The following HERC2 variants were observed in gnomAD, a reference collection of about 807,000 sequenced individuals.
HERC2 encodes HECT and RLD domain containing E3 ubiquitin protein ligase 2.
Under a neutral mutation model 537.7 loss-of-function variants are expected in HERC2, and 102 were observed. That is an observed-to-expected ratio of 0.19 (90% CI 0.16 to 0.22). The LOEUF (loss-of-function observed/expected upper bound fraction) is 0.22. Among genes scored for constraint, HERC2 ranks in the 10% least tolerant of loss-of-function variants. The probability of loss-of-function intolerance (pLI) is 1.00; values close to 1 mark genes in which losing one functional copy is unlikely to be tolerated. For missense variants in HERC2, 4,236 were observed against 6,198.2 expected (o/e 0.68, Z 10.63); for synonymous variants, 2,224 against 2,466.2 (o/e 0.90, Z 2.91).
intron 4 of HERC2, among the ~76,000 whole-genome samples, chr15:28,282,029 G>A (rs2076032014): frequency 6.6e-6 from 1 of 152,152 alleles, no homozygotes; most frequent in Non-Finnish European, 1.5e-5. Flanking sequence ...CAGTCCATCA[G>A]TCATGTACAC....
At chr15:28,218,120 T>C (rs13380280) in intron 38 of HERC2, among the ~76,000 whole-genome samples, 12,928 of 148,082 alleles carry the variant, frequency 0.087, 2,081 homozygotes, top group African/African-American at 0.33. Flanking sequence ...ATGATGTCCT[T>C]ATGAAAAGGG....
intron 2 of HERC2, among the ~76,000 whole-genome samples, chr15:28,306,569 T>C (rs1444852580): frequency 6.6e-6 from 1 of 152,216 alleles, no homozygotes; most frequent in Non-Finnish European, 1.5e-5. Context: ...GGTATCAGGG[T>C]AATATTGGCC....
chr15:28,144,633 C>A (rs1891555050), intron 72 of HERC2, 40 bp downstream of exon 72: 2 of 1,613,588 alleles, frequency 1.2e-6, no homozygotes, highest in Middle Eastern at 1.7e-4. Context: ...CAATCCACAG[C>A]CAGTCATCTA....
intron 16 of HERC2, among the ~76,000 whole-genome samples, chr15:28,258,980 T>C (rs2075343556): frequency 6.6e-6 from 1 of 152,170 alleles, no homozygotes; most frequent in African/African-American, 2.4e-5. Context: ...ACAACGTAGA[T>C]GAAGTAAAGC....
intron 19 of HERC2, 35 bp from the exon 20 acceptor site, chr15:28,254,553 T>C: frequency 6.9e-7 from 1 of 1,457,088 alleles, no homozygotes; most frequent in Non-Finnish European, 9.4e-7. Context: ...TTACAAGTGA[T>C]CTCATTACCA....
chr15:28,147,626 C>T (rs1292306588), intron 70 of HERC2, among the ~76,000 whole-genome samples: 8 of 145,994 alleles, frequency 5.5e-5, no homozygotes, highest in African/African-American at 2.2e-4. Context: ...GACAAAGTGA[C>T]AAAGCTTTTC....
intron 12 of HERC2, among the ~76,000 whole-genome samples, chr15:28,267,849 G>T (rs2075610905): frequency 6.6e-6 from 1 of 152,216 alleles, no homozygotes; most frequent in South Asian, 2.1e-4. Flanking sequence ...CAGCCCACAA[G>T]AAATGGGCTT....
chr15:28,168,675 C>G lies in HERC2; in HGVS notation c.10230-85G>C, dbSNP rs544874097. The G allele has an allele frequency of 7.0e-5, 89 of 1,269,080 alleles. 1 individual carries two copies. In the South Asian group the frequency reaches 1.1e-3, roughly 16 times the overall value. 78.6% of individuals were successfully genotyped at this position (1,269,080 alleles called of 1,614,324 possible). On this transcript the variant is annotated intron_variant, in intron 66 of 92. Coordinates refer to ENST00000261609, the MANE Select transcript of HERC2 (RefSeq NM_004667.6). ...AGTGGAGAGGCAGGGCTAGCACGCA[C>G]TGAGGCGTTTCCTCATTTTTACTGA...
At chr15:28,189,525 T>C (rs987692021) in intron 55 of HERC2, among the ~76,000 whole-genome samples, 3 of 152,248 alleles carry the variant, frequency 2.0e-5, no homozygotes, top group African/African-American at 7.2e-5. Flanking sequence ...TTTTATAGTT[T>C]GCCAATTTCT....
At chr15:28,269,529 G>A in intron 10 of HERC2, 93 bp from the exon 11 acceptor site, 2 of 998,446 alleles carry the variant, frequency 2.0e-6, no homozygotes, top group South Asian at 1.7e-5. Context: ...TAAAAACAAA[G>A]CAAATAAAGA....
chr15:28,113,786 G>C lies in HERC2; in HGVS notation c.13914-108C>G. ...CTGTGGCCGCACACGTCCCAGCTGG[G>C]AGAACAGAGGGAGCAGCTCCAGATG... On this transcript the variant is annotated intron_variant, in intron 90 of 92. Transcript: ENST00000261609. The surrounding 1 kb of genome is among the most constrained non-coding windows in gnomAD (Gnocchi z 7.0). 1 of 841,510 alleles carries C rather than the reference G, an allele frequency of 1.2e-6. No homozygotes were observed. Among genetic ancestry groups the C allele is most frequent in the Non-Finnish European group, 2.0e-6 (1 of 510,342 alleles). 52.1% of individuals were successfully genotyped at this position (841,510 alleles called of 1,614,324 possible).
intron 86 of HERC2, among the ~76,000 whole-genome samples, chr15:28,118,667 C>T (rs1888543946): frequency 6.6e-6 from 1 of 152,184 alleles, no homozygotes; most frequent in South Asian, 2.1e-4. Flanking sequence ...TCTTGGGAGG[C>T]GTGTCCCTGA....
intron 5 of HERC2, among the ~76,000 whole-genome samples, chr15:28,275,541 T>G (rs1432048563): frequency 6.6e-6 from 1 of 152,226 alleles, no homozygotes; most frequent in East Asian, 1.9e-4. Flanking sequence ...TATTTAAGCT[T>G]TTCACTACTT....
chr15:28,170,775 A>C (rs900430022), intron 65 of HERC2, among the ~76,000 whole-genome samples: 26 of 152,142 alleles, frequency 1.7e-4, no homozygotes, highest in Non-Finnish European at 1.2e-4. Context: ...AGAAACATCT[A>C]GAATATATAA....
At chr15:28,314,965 T>C (rs1182617675) in intron 2 of HERC2, among the ~76,000 whole-genome samples, 3 of 152,094 alleles carry the variant, frequency 2.0e-5, no homozygotes, top group South Asian at 2.1e-4. Flanking sequence ...CGCAGGACAA[T>C]AGCCAAGGTG....
chr15:28,121,424 C>G lies in HERC2; in HGVS notation c.13194G>C (p.Ala4398=). The G allele has an allele frequency of 2.5e-6, 4 of 1,613,928 alleles. No individual in the cohort carries two copies. The highest frequency in any genetic ancestry group is 3.4e-6 in the Non-Finnish European group (4 of 1,179,848). ...TTGCTTGTACTACTTTCCGGAAAGC[C>G]GCCTCCTAAAACACATCAAACAGAC... is the stretch of plus-strand genomic sequence containing the variant. ...RGILISQGKE[A]AFRKVVQATM... Residue 4398 remains alanine (A), a synonymous_variant, in exon 86 of 93, where the codon GCG becomes GCC. Coordinates refer to ENST00000261609, the MANE Select transcript of HERC2 (RefSeq NM_004667.6).
intron 79 of HERC2, among the ~76,000 whole-genome samples, chr15:28,134,610 C>G (rs747732552): frequency 2.0e-5 from 3 of 152,088 alleles, no homozygotes; most frequent in Non-Finnish European, 2.9e-5. Context: ...CAGAGATGCC[C>G]TTGATCAGGT....
chr15:28,314,738 G>A (rs769868857), intron 2 of HERC2, among the ~76,000 whole-genome samples: 3 of 151,944 alleles, frequency 2.0e-5, no homozygotes, highest in Admixed American at 6.6e-5. Context: ...GTACACGCCT[G>A]TAATCCCAGC....
chr15:28,208,681 A>G, intron 44 of HERC2, among the ~76,000 whole-genome samples: 1 of 152,128 alleles, frequency 6.6e-6, no homozygotes, highest in Non-Finnish European at 1.5e-5. Context: ...AGAGCTGCTC[A>G]ACACGCTTCC....
Sources: gnomAD v4.1 joint callset for allele counts (sites outside exome capture counted in the v4.1 genomes callset) on GRCh38, gnomAD v4.1.1 for gene constraint, Gnocchi (gnomAD v3.1) non-coding constraint, MANE v1.5 for transcripts, NCBI Gene and HGNC (gene_info 2026-07-23, HGNC 2026-07-21) for gene names.